C9orf43: variants seen among roughly 807,000 people sequenced by gnomAD.
C9orf43 encodes uncharacterized protein C9orf43.
C9orf43 carries 45 observed loss-of-function variants against 59.1 expected under a neutral mutation model. The observed-to-expected ratio is 0.76, with a 90% confidence interval of 0.60 to 0.98. The LOEUF (loss-of-function observed/expected upper bound fraction) is 0.98. Among genes scored for constraint, C9orf43 ranks in the 50% least tolerant of loss-of-function variants. C9orf43 has a pLI of 0.00. For synonymous variants in C9orf43, 203 were observed against 196.8 expected (o/e 1.03, Z -0.26); for missense variants, 533 against 554.9 (o/e 0.96, Z 0.40).
intron 12 of C9orf43, 95 bp from the exon 13 acceptor site, chr9:113,428,805 G>T: frequency 2.7e-6 from 3 of 1,093,246 alleles, no homozygotes; most frequent in Admixed American, 1.7e-5. Context: ...GCTCATCTTA[G>T]ATGTTAATTT....
At chr9:113,428,783 G>A (rs1198757340) in intron 12 of C9orf43, 117 bp from the exon 13 acceptor site, 2 of 857,724 alleles carry the variant, frequency 2.3e-6, no homozygotes, top group African/African-American at 3.4e-5. Context: ...AGTCCCAAGA[G>A]GTGGGTCTCT....
intron 8 of C9orf43, among the ~76,000 whole-genome samples, chr9:113,424,520 CT>C (rs567805386): frequency 0.01 from 1,445 of 139,594 alleles, 7 homozygotes; most frequent in Admixed American, 0.014. Context: ...CTATTTCTTT[CT>C]TTTTTTTTTT....
chr9:113,424,265 C>T lies in C9orf43; in HGVS notation c.756C>T (p.Asp252=). The part of the protein sequence containing the change: ...KNLPLEKNRP[D]SVISSKMFLS... ...TTCCCTTGGAAAAGAACCGACCTGA[C>T]AGTGTGATTTCTTCTAAGATGTTTC... Residue 252 remains aspartate, a synonymous_variant, in exon 8 of 14, where the codon GAC becomes GAT. Transcript: ENST00000374165. The T allele has an allele frequency of 6.2e-7, 1 of 1,614,012 alleles. No individual in the cohort carries two copies. The highest frequency in any genetic ancestry group is 1.1e-5 in the South Asian group (1 of 91,074).
chr9:113,420,542 T>G (rs1236030948), intron 4 of C9orf43, among the ~76,000 whole-genome samples: 1 of 152,268 alleles, frequency 6.6e-6, no homozygotes, highest in African/African-American at 2.4e-5. Context: ...GAATAGTTTT[T>G]TCGTGTGTGT....
At chr9:113,419,556 G>C (rs1335527480) in intron 4 of C9orf43, among the ~76,000 whole-genome samples, 1 of 152,108 alleles carries the variant, frequency 6.6e-6, no homozygotes, top group Admixed American at 6.6e-5. Context: ...GTTTAGCTAT[G>C]ATCTACAGTA....
chr9:113,426,681 G>A (rs1286480229), intron 11 of C9orf43, among the ~76,000 whole-genome samples: 1 of 152,068 alleles, frequency 6.6e-6, no homozygotes, highest in African/African-American at 2.4e-5. Flanking sequence ...GCTTGGCCCC[G>A]GGCAGGAGGT....
intron 4 of C9orf43, chr9:113,420,826 C>A (rs1416951785): frequency 1.1e-5 from 11 of 979,974 alleles, no homozygotes; most frequent in Non-Finnish European, 1.2e-5. Flanking sequence ...CCAGGGCACC[C>A]TCATATGGGA....
chr9:113,429,148 A>G lies in C9orf43; in HGVS notation c.1172-24A>G, dbSNP rs770637603. 5.6e-6 allele frequency: 9 copies of G among 1,608,632 alleles called. No homozygotes were observed. In the Admixed American group the frequency reaches 6.7e-5, roughly 12 times the overall value. ...TAGTTGAGAGGAGTTTACAGGTGCA[A>G]TTAATGACTGCATCTTCTTTTAGGT... is the stretch of plus-strand genomic sequence containing the variant. On this transcript the variant is annotated intron_variant, in intron 13 of 13. Transcript: ENST00000374165.
chr9:113,427,877 A>G (rs1828847481), intron 11 of C9orf43, among the ~76,000 whole-genome samples: 1 of 152,226 alleles, frequency 6.6e-6, no homozygotes, highest in African/African-American at 2.4e-5. Context: ...ATATGCTGTG[A>G]AAAAGTAGAT....
Position 113,421,115 on chromosome 9 carries a change from A to G in C9orf43, c.358A>G (p.Asn120Asp). ...TNRLPKFPVLNLNETQLPCPE... is the reference protein window; with the variant it reads ...TNRLPKFPVLDLNETQLPCPE... ...ATCTTTCTCTTAGTTTCCAGTGTTG[A>G]ATTTGAATGAGACGCAACTTCCCTG... Residue 120 changes from asparagine (N) to aspartate (D), a missense_variant, in exon 5 of 14, where the codon AAT becomes GAT. Physicochemically the swap from Asn to Asp is conservative, Grantham distance 23. Coordinates refer to ENST00000374165, the MANE Select transcript of C9orf43 (RefSeq NM_001278629.2). The G allele has an allele frequency of 6.2e-7, 1 of 1,613,544 alleles. No homozygotes were observed. Among genetic ancestry groups the G allele is most frequent in the Non-Finnish European group, 8.5e-7 (1 of 1,179,616 alleles).
rs967433448 is a variant in C9orf43, at chr9:113,425,542, C to T, written c.943-101C>T. 3 of 1,484,308 alleles carry T rather than the reference C, an allele frequency of 2.0e-6. No homozygotes were observed. In the Admixed American group the frequency reaches 6.4e-5, roughly 32 times the overall value. 91.9% of individuals were successfully genotyped at this position (1,484,308 alleles called of 1,614,324 possible). A position where few individuals can be genotyped will look rare whatever the true frequency, so the allele number is the denominator to read the frequency against. ...CTGGTTATAGATAAAAAGTTCTTGTCTGGTTGTAGATGTTAAATTCCTTCT... is the reference window on the plus strand; with the variant it reads ...CTGGTTATAGATAAAAAGTTCTTGTTTGGTTGTAGATGTTAAATTCCTTCT... On this transcript the variant is annotated intron_variant, in intron 10 of 13. Coordinates refer to ENST00000374165, the MANE Select transcript of C9orf43 (RefSeq NM_001278629.2).
Position 113,425,332 on chromosome 9 carries a change from T to A in C9orf43, c.866-12T>A. 2 of 1,613,832 alleles carry A rather than the reference T, an allele frequency of 1.2e-6. No individual in the cohort carries two copies. The highest frequency in any genetic ancestry group is 1.7e-6 in the Non-Finnish European group (2 of 1,179,954). ...TGTTAGAAGAGGATCAAGCTGGCTC[T>A]CTGGTCACCAGGTTACAGGAAACAG... On this transcript the variant is annotated splice_polypyrimidine_tract_variant and intron_variant, in intron 9 of 13. Coordinates refer to ENST00000374165, the MANE Select transcript of C9orf43 (RefSeq NM_001278629.2).
chr9:113,415,799 G>A (rs187917221), intron 3 of C9orf43, among the ~76,000 whole-genome samples: 7 of 152,200 alleles, frequency 4.6e-5, no homozygotes, highest in Admixed American at 6.5e-5. Context: ...TTTGTTACCT[G>A]GAATAAAGCA....
rs370254924 is a variant in C9orf43, at chr9:113,428,969, T to G, written c.1171+6T>G. 5.5e-5 allele frequency: 89 copies of G among 1,611,938 alleles called. No individual in the cohort carries two copies. In the African/African-American group the frequency reaches 1.1e-3, roughly 21 times the overall value. ...TTTCCACCACAGTGTAAAAAGTAAG[T>G]TACTAGAGTAGAGGAACCTTAGTAA... is the stretch of plus-strand genomic sequence containing the variant. On this transcript the variant is annotated splice_donor_region_variant and intron_variant, in intron 13 of 13. Coordinates refer to ENST00000374165, the MANE Select transcript of C9orf43 (RefSeq NM_001278629.2).
chr9:113,423,621 A>C (rs189585603), intron 7 of C9orf43, 123 bp downstream of exon 7: 3 of 920,536 alleles, frequency 3.3e-6, no homozygotes, highest in African/African-American at 1.7e-5. Context: ...CGATTTGTTT[A>C]CTGAACTCTT....
intron 3 of C9orf43, among the ~76,000 whole-genome samples, chr9:113,416,720 A>G (rs1177923748): frequency 3.3e-5 from 5 of 151,826 alleles, no homozygotes; most frequent in African/African-American, 9.7e-5. Flanking sequence ...TTTTTAAAAC[A>G]CTATTGACAT....
intron 4 of C9orf43, 126 bp from the exon 5 acceptor site, chr9:113,420,977 A>C: frequency 1.2e-6 from 1 of 868,280 alleles, no homozygotes; most frequent in Non-Finnish European, 1.8e-6. Flanking sequence ...TATTATGAAG[A>C]TATCTTGAAG....
At chr9:113,422,718 T>C (rs1828629149) in intron 6 of C9orf43, 133 bp downstream of exon 6, 1 of 1,019,298 alleles carries the variant, frequency 9.8e-7, no homozygotes, top group South Asian at 1.8e-5. Flanking sequence ...AAAACCCTTC[T>C]TTAGGAATAA....
chr9:113,422,517 G>A (rs1828617852), intron 5 of C9orf43, 32 bp from the exon 6 acceptor site: 1 of 1,601,974 alleles, frequency 6.2e-7, no homozygotes, highest in Non-Finnish European at 8.5e-7. Context: ...TGAGAAGCAT[G>A]TTTTGTTTTG....
Sources: gnomAD v4.1 joint callset for allele counts (sites outside exome capture counted in the v4.1 genomes callset) on GRCh38, gnomAD v4.1.1 for gene constraint, MANE v1.5 for transcripts, NCBI Gene and HGNC (gene_info 2026-07-23, HGNC 2026-07-21) for gene names.